Variants in KRT86 observed in about 807,000 individuals in gnomAD.
KRT86 encodes the protein keratin 86, also known as keratin, type II cuticular Hb6.
A neutral mutation model predicts 41.2 loss-of-function variants in KRT86; 30 were observed. The ratio of observed to expected loss-of-function variants is 0.73; its 90% CI spans 0.54 to 0.99. KRT86 has a LOEUF of 0.99. Among genes scored for constraint, KRT86 ranks in the 50% least tolerant of loss-of-function variants. The pLI is 0.00. For synonymous variants in KRT86, 238 were observed against 238.1 expected (o/e 1.00, Z 0.00); for missense variants, 561 against 571.4 (o/e 0.98, Z 0.19).
intron 2 of KRT86, among the ~76,000 whole-genome samples, chr12:52,301,418 C>G (rs1352922240): frequency 1.3e-5 from 2 of 151,942 alleles, no homozygotes; most frequent in South Asian, 4.2e-4. Context: ...CCAAGCGCCC[C>G]CCAAGTTCCA....
chr12:52,308,746 G>T lies in KRT86; in HGVS notation c.*161G>T. ...CGCTCCGCTCCGGGAGCCATCCCCG[G>T]TCGCAGGAGTCCGGGGAGGGCCGGG... is the stretch of plus-strand genomic sequence containing the variant. On this transcript the variant is annotated 3_prime_UTR_variant, in exon 11 of 11. Transcript: ENST00000423955. The T allele has an allele frequency of 1.5e-6, 1 of 667,112 alleles. No homozygotes were observed. The highest frequency in any genetic ancestry group is 2.8e-5 in the Admixed American group (1 of 35,930). 41.3% of individuals were successfully genotyped at this position (667,112 alleles called of 1,614,324 possible). A position where few individuals can be genotyped will look rare whatever the true frequency, so the allele number is the denominator to read the frequency against.
chr12:52,288,528 C>G (rs1938039740), intron 2 of KRT86: 3 of 1,561,404 alleles, frequency 1.9e-6, no homozygotes, highest in Admixed American at 1.7e-5. Context: ...CTCTGCCCAT[C>G]CATTCCATGT....
intron 2 of KRT86, chr12:52,286,234 C>T: frequency 1.3e-6 from 2 of 1,547,978 alleles, no homozygotes; most frequent in Non-Finnish European, 1.7e-6. Context: ...TGCCTGGGGC[C>T]TGGGACTTGA....
chr12:52,288,331 C>A, intron 2 of KRT86: 1 of 1,613,458 alleles, frequency 6.2e-7, no homozygotes, highest in African/African-American at 1.3e-5. Context: ...TGCTGGCTGC[C>A]AGGTTTCTGT....
At chr12:52,286,782 A>G (rs1234648566) in intron 2 of KRT86, 12 of 1,613,784 alleles carry the variant, frequency 7.4e-6, no homozygotes, top group South Asian at 1.1e-5. Context: ...CTGGACCCCA[A>G]ATACTCACAG....
chr12:52,300,412 T>A (rs1406351419), intron 2 of KRT86, among the ~76,000 whole-genome samples: 3 of 152,216 alleles, frequency 2.0e-5, no homozygotes, highest in Admixed American at 6.5e-5. Flanking sequence ...CGCTTCCTAA[T>A]GATTGTAATG....
At chr12:52,306,928 C>T (rs1240968032) in intron 9 of KRT86, 1 of 158,218 alleles carries the variant, frequency 6.3e-6, no homozygotes, top group African/African-American at 2.4e-5. Flanking sequence ...GCCAGCGATA[C>T]AGCTGGAGGG....
rs1382683319 is a variant in KRT86, at chr12:52,288,535, A to G, written c.-5+12589A>G. 5.9e-5 allele frequency: 91 copies of G among 1,548,214 alleles called. No homozygotes were observed. The Middle Eastern group carries it at 1.5e-3, about 26-fold the overall frequency. On this transcript the variant is annotated intron_variant, in intron 2 of 10. Transcript: ENST00000423955. The stretch of plus-strand genomic sequence containing the variant: ...ACTCCTCTCTCTGCCCATCCATTCC[A>G]TGTAGCCAGGGGAAAGCAGTCCCTG...
chr12:52,293,124 G>A (rs540052902), intron 2 of KRT86, among the ~76,000 whole-genome samples: 2 of 152,294 alleles, frequency 1.3e-5, no homozygotes, highest in African/African-American at 4.8e-5. Context: ...CCCTGTATTA[G>A]GAAAAACTGT....
chr12:52,295,067 C>T (rs1045956501), intron 2 of KRT86, among the ~76,000 whole-genome samples: 1 of 152,186 alleles, frequency 6.6e-6, no homozygotes, highest in Non-Finnish European at 1.5e-5. Context: ...CTGCTATGAA[C>T]ATCCTTTCTC....
At chr12:52,275,057 ATGG>A (rs1319927922) in intron 1 of KRT86, 2 of 152,172 alleles carry the variant, frequency 1.3e-5, no homozygotes, top group African/African-American at 4.8e-5. Context: ...CACGTGGTGG[ATGG>A]AATGAGCCCC....
At chr12:52,301,822 G>C (rs1319012998) in intron 2 of KRT86, 91 bp from the exon 3 acceptor site, 2 of 1,612,642 alleles carry the variant, frequency 1.2e-6, no homozygotes, top group Non-Finnish European at 1.7e-6. Flanking sequence ...AAGGCCTACA[G>C]AGGTGCAAGT....
chr12:52,293,036 C>G (rs1938169767), intron 2 of KRT86, among the ~76,000 whole-genome samples: 1 of 152,180 alleles, frequency 6.6e-6, no homozygotes, highest in Non-Finnish European at 1.5e-5. Context: ...TGCCTGTATT[C>G]CCAGCTACAT....
intron 2 of KRT86, chr12:52,287,983 C>T (rs372431210): frequency 1.2e-6 from 2 of 1,614,090 alleles, no homozygotes; most frequent in South Asian, 1.1e-5. Flanking sequence ...GTGCCACTCA[C>T]CTTGCTGCGG....
rs1269318096 is a variant in KRT86 at position 52,290,542 on chromosome 12, C to CG, written c.-4-11371_-4-11370insG. On this transcript the variant is annotated intron_variant, in intron 2 of 10. Coordinates refer to ENST00000423955, the MANE Select transcript of KRT86 (RefSeq NM_001320198.2). ...CCCTGGGGAGTTGAGTGACCCCCCC[C>CG]CCCCAACCCAAGCAGATGAACAGAA... Among the ~76,000 whole-genome samples the CG allele has an allele frequency of 1.1e-4, 2 of 17,716 alleles. 1 individual carries two copies. The highest frequency in any genetic ancestry group is 1.9e-4 in the Non-Finnish European group (2 of 10,756). 11.6% of individuals were successfully genotyped at this position (17,716 alleles called of 152,430 possible). A position where few individuals can be genotyped will look rare whatever the true frequency, so the allele number is the denominator to read the frequency against.
intron 2 of KRT86, among the ~76,000 whole-genome samples, chr12:52,285,689 G>T (rs1423184578): frequency 6.6e-6 from 1 of 152,160 alleles, no homozygotes; most frequent in Non-Finnish European, 1.5e-5. Flanking sequence ...TCTGAGTTCT[G>T]GCTTCTTCAT....
chr12:52,275,211 G>A (rs1428426036), intron 1 of KRT86: 1 of 152,250 alleles, frequency 6.6e-6, no homozygotes, highest in Middle Eastern at 3.4e-3. Context: ...ATTGTTCCCT[G>A]GCTATTCGTG....
chr12:52,286,910 T>G, intron 2 of KRT86: 1 of 1,553,562 alleles, frequency 6.4e-7, no homozygotes, highest in Non-Finnish European at 8.8e-7. Flanking sequence ...GGTCCACAAC[T>G]GGTCAATTAA....
rs142107822 is a variant in KRT86 at position 52,295,125 on chromosome 12, A to G, written c.-4-6788A>G. On this transcript the variant is annotated intron_variant, in intron 2 of 10. Transcript: ENST00000423955. The stretch of plus-strand genomic sequence containing the variant: ...AAGAGTTTTTCTGGGGTATGTGGCT[A>G]TTTTTTTTAAAGTTATGTCAGTAGT... 6.7e-3 allele frequency among the ~76,000 whole-genome samples: 1,026 copies of G among 152,038 alleles called. 4 individuals are homozygous for G. The highest frequency in any genetic ancestry group is 0.01 in the Non-Finnish European group (712 of 67,960).
Sources: allele counts gnomAD v4.1 joint callset (sites outside exome capture counted in the v4.1 genomes callset), GRCh38; gene constraint gnomAD v4.1.1; transcripts MANE v1.5; gene names NCBI Gene and HGNC (gene_info 2026-07-23, HGNC 2026-07-21).